The following CCBE1 variants were observed in gnomAD, a reference collection of about 807,000 sequenced individuals.
CCBE1 encodes collagen and calcium binding EGF domains 1, also known as collagen and calcium-binding EGF domain-containing protein 1.
In CCBE1, 37 loss-of-function variants were observed where a neutral mutation model predicts 50.0. That is an observed-to-expected ratio of 0.74 (90% CI 0.57 to 0.97). The LOEUF (loss-of-function observed/expected upper bound fraction) is 0.97. Among genes scored for constraint, CCBE1 ranks in the 50% least tolerant of loss-of-function variants. The pLI, the probability that CCBE1 is intolerant of heterozygous loss-of-function variation, is 0.00. For synonymous variants in CCBE1, 234 were observed against 203.7 expected, an observed-to-expected ratio of 1.15 and a Z score of -1.27; for missense variants, 538 against 523.8, an observed-to-expected ratio of 1.03 and a Z score of -0.26.
intron 2 of CCBE1, among the ~76,000 whole-genome samples, chr18:59,633,832 T>G (rs1411126042): frequency 1.3e-5 from 2 of 151,976 alleles, no homozygotes; most frequent in African/African-American, 2.4e-5. Flanking sequence ...CACCCAAACA[T>G]AAGTGACAAA....
In CCBE1 at chr18:59,435,300, C is replaced by CTT. The variant is rs1910102135; in HGVS notation, c.*607_*608insAA. ...GATTCTTTTCTATCTTCTCTAAACG[C>CTT]CATTCAATTCTCTCCTCTCTTTAAT... On this transcript the variant is annotated 3_prime_UTR_variant, in exon 11 of 11. Transcript: ENST00000439986. 6.4e-6 allele frequency: 1 copy of CTT among 156,054 alleles called. No homozygotes were observed. Among genetic ancestry groups the CTT allele is most frequent in the Non-Finnish European group, 1.4e-5 (1 of 70,420 alleles). The allele number at this position is 156,054 out of a possible 1,614,324, so 9.7% of individuals were successfully genotyped here.
chr18:59,584,867 G>C (rs533267861), intron 2 of CCBE1, among the ~76,000 whole-genome samples: 2 of 152,210 alleles, frequency 1.3e-5, no homozygotes, highest in African/African-American at 4.8e-5. Flanking sequence ...ATGCAAGAAC[G>C]GACTAATACA....
chr18:59,656,603 G>T (rs1374633048), intron 2 of CCBE1, among the ~76,000 whole-genome samples: 1 of 152,160 alleles, frequency 6.6e-6, no homozygotes, highest in Non-Finnish European at 1.5e-5. Context: ...GTTCCTGATG[G>T]CCAGAAACAA....
At chr18:59,535,692 A>T (rs187334247) in intron 2 of CCBE1, among the ~76,000 whole-genome samples, 1 of 152,396 alleles carries the variant, frequency 6.6e-6, no homozygotes, top group East Asian at 1.9e-4. Context: ...GAAATATTAC[A>T]TGTATTAAAC....
chr18:59,561,694 A>G (rs921330820), intron 2 of CCBE1, among the ~76,000 whole-genome samples: 6 of 152,252 alleles, frequency 3.9e-5, no homozygotes, highest in Non-Finnish European at 7.4e-5. Context: ...AGAGAGTGGA[A>G]TGGAAGGTAC....
At chr18:59,517,700 G>T (rs139767037) in intron 2 of CCBE1, among the ~76,000 whole-genome samples, 127 of 152,306 alleles carry the variant, frequency 8.3e-4, no homozygotes, top group Non-Finnish European at 1.5e-3. Flanking sequence ...CTTAAAACCA[G>T]ATGCCACTAG....
At chr18:59,477,073 A>C (rs1336155291) in intron 3 of CCBE1, among the ~76,000 whole-genome samples, 1 of 152,234 alleles carries the variant, frequency 6.6e-6, no homozygotes, top group Non-Finnish European at 1.5e-5. Flanking sequence ...TGAACTGAAA[A>C]TTAAGGTGCC....
intron 2 of CCBE1, among the ~76,000 whole-genome samples, chr18:59,592,830 C>G (rs1215653948): frequency 1.3e-5 from 2 of 151,902 alleles, no homozygotes; most frequent in African/African-American, 4.8e-5. Context: ...AGTGCACAGT[C>G]AGCAAAATTC....
chr18:59,605,968 C>G (rs2053492414), intron 2 of CCBE1, among the ~76,000 whole-genome samples: 2 of 152,142 alleles, frequency 1.3e-5, no homozygotes, highest in Non-Finnish European at 2.9e-5. Context: ...AATCGCGATG[C>G]TCGAATGTCC....
chr18:59,475,862 G>A (rs1363632367), intron 3 of CCBE1, among the ~76,000 whole-genome samples: 1 of 152,154 alleles, frequency 6.6e-6, no homozygotes, highest in East Asian at 1.9e-4. Flanking sequence ...GGAATTACAG[G>A]TGCCAGACAC....
At position 59,432,917 on chromosome 18, in the gene CCBE1, C is replaced by G. The variant is rs1909992444; in HGVS notation, c.*2991G>C. On this transcript the variant is annotated 3_prime_UTR_variant, in exon 11 of 11. Transcript: ENST00000439986. Reference sequence around the variant, plus strand: ...CTTTTAAAAAAAATCATAGATGGACCTAGCCATCTCTCATACAGCTTGTGC... The same window carrying G: ...CTTTTAAAAAAAATCATAGATGGACGTAGCCATCTCTCATACAGCTTGTGC... 6.6e-6 allele frequency: 1 copy of G among 151,570 alleles called. No individual in the cohort carries two copies. Among genetic ancestry groups the G allele is most frequent in the Admixed American group, 6.6e-5 (1 of 15,184 alleles). 9.4% of individuals were successfully genotyped at this position (151,570 alleles called of 1,614,324 possible).
chr18:59,628,552 T>C (rs1423515904), intron 2 of CCBE1, among the ~76,000 whole-genome samples: 1 of 152,180 alleles, frequency 6.6e-6, no homozygotes, highest in Non-Finnish European at 1.5e-5. Context: ...GGACATTCCC[T>C]GTAACCACCG....
chr18:59,644,801 C>A (rs1051414027), intron 2 of CCBE1, among the ~76,000 whole-genome samples: 5 of 152,134 alleles, frequency 3.3e-5, no homozygotes, highest in African/African-American at 1.2e-4. Flanking sequence ...CATAAAAAAT[C>A]CTTGCCAATT....
chr18:59,658,773 G>A (rs1272262503), intron 2 of CCBE1, among the ~76,000 whole-genome samples: 1 of 150,302 alleles, frequency 6.7e-6, no homozygotes, highest in Non-Finnish European at 1.5e-5. Flanking sequence ...CCAGCTACTT[G>A]GGAGGCTGAG....
At chr18:59,604,363 C>T (rs1454739361) in intron 2 of CCBE1, among the ~76,000 whole-genome samples, 1 of 152,162 alleles carries the variant, frequency 6.6e-6, no homozygotes, top group Non-Finnish European at 1.5e-5. Flanking sequence ...GAGTTCTTAA[C>T]CATTAGGCTG....
chr18:59,470,661 T>C lies in CCBE1; in HGVS notation c.266-1054A>G, dbSNP rs189902507. The stretch of plus-strand genomic sequence containing the variant: ...TCCTCTCAGTTCCTATGAACTGATA[T>C]GTAATGAGCCTCTGAAGGGACTTTG... On this transcript the variant is annotated intron_variant, in intron 3 of 10. Coordinates refer to ENST00000439986, the MANE Select transcript of CCBE1 (RefSeq NM_133459.4). 6.4e-4 allele frequency among the ~76,000 whole-genome samples: 98 copies of C among 152,290 alleles called. No homozygotes were observed. The East Asian group carries it at 0.018, about 27-fold the overall frequency.
At chr18:59,682,924 T>G (rs2054610701) in intron 2 of CCBE1, among the ~76,000 whole-genome samples, 1 of 152,222 alleles carries the variant, frequency 6.6e-6, no homozygotes, top group Admixed American at 6.5e-5. Flanking sequence ...TTTCTTCTTG[T>G]GCCCCCCCTT....
At position 59,669,059 on chromosome 18, in the gene CCBE1, C is replaced by T. The variant is rs529592822; in HGVS notation, c.212+27570G>A. ...ATGTTGGCCAGGCTGGTCTTGAACT[C>T]CTGTGACCTCAAGTGATCCACCCAC... On this transcript the variant is annotated intron_variant, in intron 2 of 10. Coordinates refer to ENST00000439986, the MANE Select transcript of CCBE1 (RefSeq NM_133459.4). Among the ~76,000 whole-genome samples the T allele has an allele frequency of 3.9e-5, 6 of 152,078 alleles. No individual in the cohort carries two copies. The East Asian group carries it at 7.7e-4, about 20-fold the overall frequency.
At chr18:59,652,701 C>T (rs535712778) in intron 2 of CCBE1, among the ~76,000 whole-genome samples, 1 of 152,258 alleles carries the variant, frequency 6.6e-6, no homozygotes, top group Non-Finnish European at 1.5e-5. Flanking sequence ...GCAGTGGCTC[C>T]CGCCTGTAAT....
Sources: allele counts gnomAD v4.1 joint callset (sites outside exome capture counted in the v4.1 genomes callset), GRCh38; gene constraint gnomAD v4.1.1; transcripts MANE v1.5; gene names NCBI Gene and HGNC (gene_info 2026-07-23, HGNC 2026-07-21).